ARHGAP25: variants seen among roughly 807,000 people sequenced by gnomAD.
The protein encoded by ARHGAP25 is Rho GTPase activating protein 25.
ARHGAP25 carries 34 observed loss-of-function variants against 71.0 expected under a neutral mutation model. That is an observed-to-expected ratio of 0.48 (90% CI 0.36 to 0.64). The LOEUF (loss-of-function observed/expected upper bound fraction) is 0.64, where lower values mean the gene tolerates loss of function less well. ARHGAP25 is among the 30% of genes least tolerant of loss of function. The pLI, the probability that ARHGAP25 is intolerant of heterozygous loss-of-function variation, is 0.00. For synonymous variants in ARHGAP25, 282 were observed against 296.5 expected (o/e 0.95, Z 0.50); for missense variants, 706 against 805.1 (o/e 0.88, Z 1.49).
intron 4 of ARHGAP25, 97 bp downstream of exon 4, chr2:68,788,053 G>A: frequency 1.0e-6 from 1 of 961,732 alleles, no homozygotes; most frequent in Non-Finnish European, 1.7e-6. Context: ...AGTGCTCAAG[G>A]GAGACAACCA....
At chr2:68,725,302 C>T (rs1261708293) in intron 2 of ARHGAP25, among the ~76,000 whole-genome samples, 2 of 152,016 alleles carry the variant, frequency 1.3e-5, no homozygotes, top group South Asian at 2.1e-4. Flanking sequence ...GAGGCCACAG[C>T]GATCTTTTAT....
Position 68,815,600 on chromosome 2 carries a change from G to A in ARHGAP25, c.808-689G>A, listed in dbSNP as rs150368131. ...CGAGTAGCTGGGGTTACAGCCGTCC[G>A]CCACCACGCCCGGCTAGTGAATTGT... On this transcript the variant is annotated intron_variant, in intron 6 of 10. Coordinates refer to ENST00000409202, the MANE Select transcript of ARHGAP25 (RefSeq NM_001007231.3). Among the ~76,000 whole-genome samples the A allele has an allele frequency of 3.4e-4, 51 of 152,084 alleles. 1 individual carries two copies. Among genetic ancestry groups the A allele is most frequent in the African/African-American group, 1.1e-3 (46 of 41,494 alleles).
chr2:68,740,920 G>C (rs1220421856), intron 1 of ARHGAP25, among the ~76,000 whole-genome samples: 6 of 152,356 alleles, frequency 3.9e-5, no homozygotes, highest in Admixed American at 1.3e-4. Flanking sequence ...GAGGACGTGT[G>C]ATATAGGAAA....
At chr2:68,797,608 G>A (rs1042918826) in intron 4 of ARHGAP25, among the ~76,000 whole-genome samples, 2 of 152,190 alleles carry the variant, frequency 1.3e-5, no homozygotes, top group Non-Finnish European at 2.9e-5. Flanking sequence ...CGGGCCGCAA[G>A]GGTTCATCCC....
chr2:68,823,786 G>A (rs111762250), intron 10 of ARHGAP25, among the ~76,000 whole-genome samples: 18 of 152,178 alleles, frequency 1.2e-4, no homozygotes, highest in Admixed American at 3.3e-4. Flanking sequence ...AGAAGCGGGA[G>A]GCCAGTTAGG....
chr2:68,793,522 T>G (rs1196442665), intron 4 of ARHGAP25, among the ~76,000 whole-genome samples: 2 of 152,172 alleles, frequency 1.3e-5, no homozygotes, highest in Non-Finnish European at 1.5e-5. Flanking sequence ...AACCACTTAT[T>G]GAAAAGGGTG....
chr2:68,747,336 G>A (rs1675894283), intron 1 of ARHGAP25, among the ~76,000 whole-genome samples: 2 of 152,098 alleles, frequency 1.3e-5, no homozygotes, highest in Non-Finnish European at 2.9e-5. Context: ...ATCATTCGTG[G>A]AGCCTAGTAC....
intron 1 of ARHGAP25, among the ~76,000 whole-genome samples, chr2:68,755,711 G>A (rs1676441908): frequency 6.6e-6 from 1 of 152,160 alleles, no homozygotes; most frequent in South Asian, 2.1e-4. Context: ...TTTTAAGTTG[G>A]CTTGTTTCAC....
chr2:68,821,708 T>G (rs1341117792), intron 9 of ARHGAP25, among the ~76,000 whole-genome samples: 1 of 152,172 alleles, frequency 6.6e-6, no homozygotes, highest in Non-Finnish European at 1.5e-5. Flanking sequence ...AATTTGAGTT[T>G]CTTGTATTAT....
chr2:68,791,746 C>T lies in ARHGAP25; in HGVS notation c.466+3790C>T, dbSNP rs183881467. ...AGAGCCGATGCCTCTTCTGGCTTGC[C>T]GTCCCCTTTTGGGCTCCTTTTCTCC... On this transcript the variant is annotated intron_variant, in intron 4 of 10. Transcript: ENST00000409202. 4.1e-3 allele frequency among the ~76,000 whole-genome samples: 626 copies of T among 152,208 alleles called. 3 individuals carry two copies. The highest frequency in any genetic ancestry group is 5.1e-3 in the Non-Finnish European group (347 of 68,010).
intron 1 of ARHGAP25, 101 bp from the exon 2 acceptor site, chr2:68,775,120 C>T (rs1308250435): frequency 1.1e-5 from 18 of 1,599,448 alleles, no homozygotes; most frequent in South Asian, 4.5e-5. Context: ...GTCGTCCCCC[C>T]GCTTCTCAGC....
At chr2:68,812,975 ATGACT>A (rs544549211) in intron 5 of ARHGAP25, among the ~76,000 whole-genome samples, 203 of 152,354 alleles carry the variant, frequency 1.3e-3, no homozygotes, top group Middle Eastern at 3.4e-3. Context: ...GAGGCACTAA[ATGACT>A]TGAAGAAAGA....
chr2:68,783,279 A>AAGATTTTAATT (rs1678479818), intron 3 of ARHGAP25, among the ~76,000 whole-genome samples: 1 of 152,212 alleles, frequency 6.6e-6, no homozygotes, highest in Non-Finnish European at 1.5e-5. Flanking sequence ...TTAATAAGGA[A>AAGATTTTAATT]ATAAATATGA....
At chr2:68,749,960 A>T (rs912480277) in intron 1 of ARHGAP25, among the ~76,000 whole-genome samples, 25 of 152,328 alleles carry the variant, frequency 1.6e-4, no homozygotes, top group African/African-American at 6.0e-4. Flanking sequence ...ACATTAAAAC[A>T]TTATTTAATA....
chr2:68,772,878 C>T (rs1677577464), intron 1 of ARHGAP25, among the ~76,000 whole-genome samples: 1 of 152,168 alleles, frequency 6.6e-6, no homozygotes, highest in Admixed American at 6.5e-5. Flanking sequence ...AAAGCAAATC[C>T]TTTGTAAGCA....
chr2:68,806,829 G>T (rs1359171941), intron 4 of ARHGAP25, among the ~76,000 whole-genome samples: 1 of 152,176 alleles, frequency 6.6e-6, no homozygotes, highest in African/African-American at 2.4e-5. Context: ...TGCTGCCGTG[G>T]TTAAGGCATA....
In ARHGAP25 at chr2:68,819,209, C is replaced by G; in HGVS notation, c.1090C>G (p.Pro364Ala). The G allele has an allele frequency of 6.2e-7, 1 of 1,614,104 alleles. No homozygotes were observed. Among genetic ancestry groups the G allele is most frequent in the Non-Finnish European group, 8.5e-7 (1 of 1,180,000 alleles). Residue 364 changes from proline (P) to alanine (A), a missense_variant, in exon 9 of 11, where the codon CCC becomes GCC. Physicochemically the swap from Pro to Ala is conservative, Grantham distance 27 (BLOSUM62 -1). Transcript: ENST00000409202. ...FPKSKDIPLS[P>A]PAQKNDPKKA... The stretch of plus-strand genomic sequence containing the variant: ...CAAGTCCAAGGATATACCCCTGTCA[C>G]CCCCTGCCCAGAAAAATGACCCCAA...
At chr2:68,768,515 T>G (rs764642880) in intron 1 of ARHGAP25, among the ~76,000 whole-genome samples, 3 of 152,238 alleles carry the variant, frequency 2.0e-5, no homozygotes, top group Non-Finnish European at 4.4e-5. Context: ...GGAGCTTTAC[T>G]AAAAATCCCA....
chr2:68,810,098 C>G (rs1485938179), intron 5 of ARHGAP25, among the ~76,000 whole-genome samples: 1 of 150,144 alleles, frequency 6.7e-6, no homozygotes. Flanking sequence ...CAGAAGCCAC[C>G]TGGCTCCTGA....
Sources: gnomAD v4.1 joint callset for allele counts (sites outside exome capture counted in the v4.1 genomes callset) on GRCh38, gnomAD v4.1.1 for gene constraint, MANE v1.5 for transcripts, NCBI Gene and HGNC (gene_info 2026-07-23, HGNC 2026-07-21) for gene names.